The following PRKD3 variants were observed in gnomAD, a reference collection of about 807,000 sequenced individuals.
PRKD3 encodes serine/threonine-protein kinase D3.
In PRKD3, 47 loss-of-function variants were observed where a neutral mutation model predicts 99.2. That is an observed-to-expected ratio of 0.47 (90% CI 0.38 to 0.60). The LOEUF is 0.60. PRKD3 is among the 20% of genes least tolerant of loss of function. The pLI is 0.00. For missense variants in PRKD3, 1,019 were observed against 1,088.4 expected (o/e 0.94, Z 0.90); for synonymous variants, 392 against 355.4 (o/e 1.10, Z -1.16).
chr2:37,305,683 A>G (rs1671133265), intron 2 of PRKD3, among the ~76,000 whole-genome samples: 1 of 152,186 alleles, frequency 6.6e-6, no homozygotes, highest in Non-Finnish European at 1.5e-5. Flanking sequence ...TAGTTTTTTT[A>G]TACGTTAAAT....
intron 1 of PRKD3, among the ~76,000 whole-genome samples, chr2:37,318,122 G>C (rs1315240371): frequency 6.6e-6 from 1 of 152,012 alleles, no homozygotes; most frequent in Non-Finnish European, 1.5e-5. Flanking sequence ...TGGCTGCAGA[G>C]TAACTCTCTG....
chr2:37,304,195 C>T (rs1358036253), intron 2 of PRKD3, among the ~76,000 whole-genome samples: 1 of 96,852 alleles, frequency 1.0e-5, no homozygotes, highest in Non-Finnish European at 2.1e-5. Flanking sequence ...CAGGTACTTA[C>T]TAAAAAAAAA....
chr2:37,314,454 C>G (rs1558581673), intron 2 of PRKD3, among the ~76,000 whole-genome samples: 1 of 152,056 alleles, frequency 6.6e-6, no homozygotes, highest in Non-Finnish European at 1.5e-5. Flanking sequence ...ACCCACTGAC[C>G]CACTCCTCAC....
chr2:37,290,878 C>T lies in PRKD3; in HGVS notation c.549G>A (p.Leu183=). 3 of 1,592,054 alleles carry T rather than the reference C, an allele frequency of 1.9e-6. No homozygotes were observed. Among genetic ancestry groups the T allele is most frequent in the Non-Finnish European group, 2.6e-6 (3 of 1,169,314 alleles). ...EMLWGLVRQG[L]KCEGCGLNYH... ...TTTTAGAACACACACCTTCACATTTCAGTCCTTGACGTACCAATCCCCAGA... is the reference window on the plus strand; with the variant it reads ...TTTTAGAACACACACCTTCACATTTTAGTCCTTGACGTACCAATCCCCAGA... The change falls in exon 4 of 19, where the codon CTG becomes CTA. Residue 183 remains leucine, a synonymous_variant. Coordinates refer to ENST00000234179, the MANE Select transcript of PRKD3 (RefSeq NM_005813.6).
chr2:37,292,005 G>A (rs921728223), intron 3 of PRKD3, among the ~76,000 whole-genome samples: 2 of 152,140 alleles, frequency 1.3e-5, no homozygotes, highest in African/African-American at 4.8e-5. Flanking sequence ...ACAACGTATG[G>A]CAAGAATGCG....
intron 18 of PRKD3, 129 bp from the exon 19 acceptor site, chr2:37,253,479 G>C (rs976275803): frequency 1.0e-5 from 7 of 696,138 alleles, no homozygotes; most frequent in South Asian, 2.3e-5. Flanking sequence ...CTACTCATAA[G>C]TATCTACTAT....
rs932660619 is a variant in PRKD3, at chr2:37,293,317, T to C, written c.289-46A>G. On this transcript the variant is annotated intron_variant, in intron 2 of 18. Transcript: ENST00000234179. ...ATCAGTATGACCACAGTTTTCTATT[T>C]TTATAAGTAAACGTTTCAATTTTAT... The C allele has an allele frequency of 6.2e-6, 9 of 1,458,402 alleles. No homozygotes were observed. In the Admixed American group the frequency reaches 1.8e-4, roughly 29 times the overall value. 90.3% of individuals were successfully genotyped at this position (1,458,402 alleles called of 1,614,324 possible).
chr2:37,306,815 CA>C (rs745894048), intron 2 of PRKD3, among the ~76,000 whole-genome samples: 1 of 152,044 alleles, frequency 6.6e-6, no homozygotes, highest in Non-Finnish European at 1.5e-5. Flanking sequence ...TCTCAAAAAA[CA>C]AAAACAAAAA....
chr2:37,255,616 C>G (rs745446857), intron 17 of PRKD3, among the ~76,000 whole-genome samples: 3 of 152,176 alleles, frequency 2.0e-5, no homozygotes, highest in Non-Finnish European at 2.9e-5. Context: ...AAAGTTCATT[C>G]TAGGTATAAG....
chr2:37,275,477 A>C (rs1355519730), intron 10 of PRKD3, among the ~76,000 whole-genome samples: 2 of 152,196 alleles, frequency 1.3e-5, no homozygotes, highest in Non-Finnish European at 2.9e-5. Context: ...GGGACTTTCT[A>C]AGCAGTCTAA....
intron 2 of PRKD3, among the ~76,000 whole-genome samples, chr2:37,302,868 T>G (rs2124873317): frequency 6.6e-6 from 1 of 152,172 alleles, no homozygotes; most frequent in Non-Finnish European, 1.5e-5. Flanking sequence ...CAGGGGTGGG[T>G]CCTGGCGAAA....
At chr2:37,286,464 T>G (rs1670101723) in intron 5 of PRKD3, 95 bp from the exon 6 acceptor site, 2 of 1,067,972 alleles carry the variant, frequency 1.9e-6, no homozygotes, top group Middle Eastern at 2.2e-4. Flanking sequence ...TTTCAAACAC[T>G]AAAGCCAAAA....
intron 17 of PRKD3, 78 bp downstream of exon 17, chr2:37,256,584 A>C: frequency 7.1e-7 from 1 of 1,405,884 alleles, no homozygotes; most frequent in South Asian, 1.6e-5. Context: ...AGACAGACTG[A>C]TTTGGGATGA....
At chr2:37,296,989 A>G (rs1222359768) in intron 2 of PRKD3, among the ~76,000 whole-genome samples, 1 of 152,080 alleles carries the variant, frequency 6.6e-6, no homozygotes, top group African/African-American at 2.4e-5. Context: ...ATATACACCT[A>G]AAAAGAAATA....
chr2:37,323,032 C>T (rs1671950776), intron 1 of PRKD3, among the ~76,000 whole-genome samples: 1 of 151,820 alleles, frequency 6.6e-6, no homozygotes, highest in African/African-American at 2.4e-5. Context: ...ACCACCTATT[C>T]ATATTTTTCT....
intron 2 of PRKD3, among the ~76,000 whole-genome samples, chr2:37,310,628 G>T (rs140419154): frequency 6.6e-6 from 1 of 152,248 alleles, no homozygotes; most frequent in East Asian, 1.9e-4. Flanking sequence ...ATACAGTCAA[G>T]AAAAGAGACA....
chr2:37,287,303 A>G (rs1249138604), intron 5 of PRKD3, among the ~76,000 whole-genome samples: 2 of 150,124 alleles, frequency 1.3e-5, no homozygotes, highest in African/African-American at 5.0e-5. Context: ...ACCTGCCTAC[A>G]CTATCAATCT....
At chr2:37,266,102 T>C (rs551239604) in intron 14 of PRKD3, among the ~76,000 whole-genome samples, 6 of 152,360 alleles carry the variant, frequency 3.9e-5, no homozygotes, top group Admixed American at 2.0e-4. Flanking sequence ...GGTAGCTTTA[T>C]AGGAGGAGAC....
At chr2:37,321,862 G>A (rs1285861879) in intron 1 of PRKD3, among the ~76,000 whole-genome samples, 1 of 152,174 alleles carries the variant, frequency 6.6e-6, no homozygotes, top group Non-Finnish European at 1.5e-5. Flanking sequence ...AGGATTCCAG[G>A]AAGGCAAAAT....
Sources: gnomAD v4.1 joint callset for allele counts (sites outside exome capture counted in the v4.1 genomes callset) on GRCh38, gnomAD v4.1.1 for gene constraint, MANE v1.5 for transcripts, NCBI Gene and HGNC (gene_info 2026-07-23, HGNC 2026-07-21) for gene names.